Variants in CRYM observed in about 807,000 individuals in gnomAD.
CRYM encodes the protein ketimine reductase mu-crystallin.
In CRYM, 18 loss-of-function variants were observed where a neutral mutation model predicts 32.9. The ratio of observed to expected loss-of-function variants is 0.55; its 90% CI spans 0.38 to 0.81. The LOEUF (loss-of-function observed/expected upper bound fraction) is 0.81, where lower values mean the gene tolerates loss of function less well. CRYM is among the 30% of genes least tolerant of loss of function. CRYM has a pLI of 0.00. For missense variants in CRYM, 337 were observed against 393.5 expected (o/e 0.86, Z 1.21); for synonymous variants, 153 against 152.4 (o/e 1.00, Z -0.03).
At chr16:21,278,338 T>C, upstream of CRYM, 1 of 1,491,238 alleles carries the variant, frequency 6.7e-7, no homozygotes, top group South Asian at 1.2e-5. Context: ...CCCGCTGCTC[T>C]GTGGAGCCGC....
intron 1 of CRYM, chr16:21,299,811 C>T (rs140614404): frequency 6.6e-6 from 1 of 152,316 alleles, no homozygotes; most frequent in East Asian, 1.9e-4. Flanking sequence ...CCTCCTCTAT[C>T]CACCCCTTCA....
chr16:21,263,773 A>T (rs1227079925), intron 5 of CRYM, among the ~76,000 whole-genome samples: 1 of 152,218 alleles, frequency 6.6e-6, no homozygotes, highest in Non-Finnish European at 1.5e-5. Flanking sequence ...AATGAAAATG[A>T]ACAAAGCTGG....
Position 21,262,090 on chromosome 16 carries a change from C to T in CRYM, c.742G>A (p.Val248Met), listed in dbSNP as rs780473307. Residue 248 changes from valine to methionine, a missense_variant, in exon 6 of 8, where the codon GTG becomes ATG. Transcript: ENST00000572914. The part of the protein sequence containing the change: ...DELMKEAVLY[V>M]DSQEAALKES... Reference sequence around the variant, plus strand: ...TTCAGGGCAGCCTCCTGGGAATCCACGTACAGCACAGCTTCTTTCATGAGC... The same window carrying T: ...TTCAGGGCAGCCTCCTGGGAATCCATGTACAGCACAGCTTCTTTCATGAGC... 49 of 1,613,988 alleles carry T rather than the reference C, an allele frequency of 3.0e-5. No homozygotes were observed. Among genetic ancestry groups the T allele is most frequent in the Middle Eastern group, 1.6e-4 (1 of 6,084 alleles).
chr16:21,268,341 T>C lies in CRYM; in HGVS notation c.490-604A>G, dbSNP rs950519697. Among the ~76,000 whole-genome samples, 4 of 152,274 alleles carry C rather than the reference T, an allele frequency of 2.6e-5. No homozygotes were observed. In the East Asian group the frequency reaches 5.8e-4, roughly 22 times the overall value. The stretch of plus-strand genomic sequence containing the variant: ...AAGATCAGACGAGTTTGAAGGTAAA[T>C]GGCATAGCCAATGAAAAGGCCAAGA... On this transcript the variant is annotated intron_variant, in intron 4 of 7. Transcript: ENST00000572914.
rs2093390790 is a variant in CRYM, at chr16:21,278,083, C to T, written c.169G>A (p.Gly57Ser). The part of the protein sequence containing the change: ...RTVVPVTKHR[G>S]YLGVMPAYSA... ...CTGACCCCGACCCTCCTCACTCACCCCCTGTGCTTGGTCACCGGCACCACG... is the reference window on the plus strand; with the variant it reads ...CTGACCCCGACCCTCCTCACTCACCTCCTGTGCTTGGTCACCGGCACCACG... Residue 57 changes from glycine (G) to serine (S), a missense_variant and splice_region_variant, in exon 1 of 8, where the codon GGC becomes AGC. Transcript: ENST00000572914. 3 of 1,544,946 alleles carry T rather than the reference C, an allele frequency of 1.9e-6. No homozygotes were observed. The highest frequency in any genetic ancestry group is 2.6e-6 in the Non-Finnish European group (3 of 1,146,930).
Position 21,259,920 on chromosome 16 carries a change from G to A in CRYM, c.881-1075C>T, listed in dbSNP as rs138964595. Among the ~76,000 whole-genome samples the A allele has an allele frequency of 3.3e-5, 5 of 152,352 alleles. No homozygotes were observed. In the East Asian group the frequency reaches 9.6e-4, roughly 29 times the overall value. On this transcript the variant is annotated intron_variant, in intron 7 of 7. Coordinates refer to ENST00000572914, the MANE Select transcript of CRYM (RefSeq NM_001376256.1). ...AAAAAGGACAGAACAAGTTTCTGCA[G>A]CATTTTGGCTCCTTAAGTAAGGGCT...
chr16:21,274,649 A>C (rs1389707085), intron 3 of CRYM, among the ~76,000 whole-genome samples: 1 of 152,050 alleles, frequency 6.6e-6, no homozygotes, highest in Non-Finnish European at 1.5e-5. Flanking sequence ...TCTTTTGCCC[A>C]GGCTAGAGTG....
upstream of CRYM, among the ~76,000 whole-genome samples, chr16:21,281,260 A>C (rs1002451344): frequency 1.3e-5 from 2 of 151,414 alleles, no homozygotes; most frequent in Admixed American, 6.6e-5. Context: ...ATATATATAT[A>C]AATTTTTTTT....
At chr16:21,302,780 C>T (rs1960985141) in intron 1 of CRYM, among the ~76,000 whole-genome samples, 1 of 152,132 alleles carries the variant, frequency 6.6e-6, no homozygotes, top group South Asian at 2.1e-4. Context: ...GCTCCCAGGT[C>T]CTTGACAAAG....
intron 1 of CRYM, among the ~76,000 whole-genome samples, chr16:21,285,050 T>A (rs1261455244): frequency 6.6e-6 from 1 of 152,220 alleles, no homozygotes; most frequent in African/African-American, 2.4e-5. Flanking sequence ...TTTCATATAT[T>A]TTTTGGTTAC....
intron 5 of CRYM, among the ~76,000 whole-genome samples, chr16:21,265,668 G>A (rs539962425): frequency 6.6e-6 from 1 of 152,332 alleles, no homozygotes; most frequent in South Asian, 2.1e-4. Flanking sequence ...CAGTCAGCAT[G>A]TATGATTGAA....
chr16:21,289,934 G>A (rs191650816), intron 1 of CRYM, among the ~76,000 whole-genome samples: 2 of 151,776 alleles, frequency 1.3e-5, no homozygotes. Context: ...TCAGCACTCT[G>A]TAAAATTGCA....
intron 1 of CRYM, among the ~76,000 whole-genome samples, chr16:21,290,620 T>A (rs1326731409): frequency 3.3e-5 from 5 of 152,228 alleles, no homozygotes; most frequent in African/African-American, 4.8e-5. Flanking sequence ...TTCATCTTTT[T>A]TTCCAGTAAT....
chr16:21,291,857 GACT>G (rs1960664598), intron 1 of CRYM, among the ~76,000 whole-genome samples: 4 of 151,998 alleles, frequency 2.6e-5, no homozygotes, highest in Admixed American at 1.3e-4. Context: ...TTTTGTCCCA[GACT>G]ATGGCCTTTT....
intron 5 of CRYM, among the ~76,000 whole-genome samples, chr16:21,264,609 A>C (rs1216512956): frequency 6.6e-6 from 1 of 152,196 alleles, no homozygotes; most frequent in Non-Finnish European, 1.5e-5. Context: ...TGCGCTTGTG[A>C]CACATTTTTC....
intron 7 of CRYM, 197 bp downstream of exon 7, chr16:21,261,056 GA>G: frequency 1.6e-6 from 1 of 632,492 alleles, no homozygotes. Context: ...GAGTGGCGGG[GA>G]AGGGACTCTG....
intron 4 of CRYM, among the ~76,000 whole-genome samples, chr16:21,269,498 A>G (rs2093370612): frequency 6.6e-6 from 1 of 152,216 alleles, no homozygotes; most frequent in African/African-American, 2.4e-5. Flanking sequence ...TAAAAGGACA[A>G]CTGAATGTAT....
chr16:21,299,220 C>T (rs1017094311), intron 1 of CRYM, among the ~76,000 whole-genome samples: 4 of 152,112 alleles, frequency 2.6e-5, no homozygotes, highest in Non-Finnish European at 4.4e-5. Context: ...CACACACTGC[C>T]GGGAGGAAAA....
At chr16:21,299,454 G>A (rs1960855977) in intron 1 of CRYM, among the ~76,000 whole-genome samples, 2 of 152,240 alleles carry the variant, frequency 1.3e-5, no homozygotes, top group South Asian at 4.1e-4. Context: ...CATTACAGGA[G>A]TGCACCACCA....
Sources: allele counts gnomAD v4.1 joint callset (sites outside exome capture counted in the v4.1 genomes callset), GRCh38; gene constraint gnomAD v4.1.1; transcripts MANE v1.5; gene names NCBI Gene and HGNC (gene_info 2026-07-23, HGNC 2026-07-21).